HERC4: variants seen among roughly 807,000 people sequenced by gnomAD.
HERC4 encodes HECT and RLD domain containing E3 ubiquitin protein ligase 4.
Under a neutral mutation model 124.3 loss-of-function variants are expected in HERC4, and 28 were observed. The ratio of observed to expected loss-of-function variants is 0.23; its 90% CI spans 0.17 to 0.31. The LOEUF (loss-of-function observed/expected upper bound fraction) is 0.31. Ranked by LOEUF, HERC4 falls within the 10% of genes least tolerant of loss-of-function variation. The probability of loss-of-function intolerance (pLI) is 1.00; values close to 1 mark genes in which losing one functional copy is unlikely to be tolerated. For missense variants in HERC4, 713 were observed against 1,229.3 expected, an observed-to-expected ratio of 0.58 and a Z score of 6.28; for synonymous variants, 407 against 421.5, an observed-to-expected ratio of 0.97 and a Z score of 0.42.
intron 8 of HERC4, among the ~76,000 whole-genome samples, chr10:68,015,682 T>C (rs2133150922): frequency 6.6e-6 from 1 of 152,342 alleles, no homozygotes; most frequent in South Asian, 2.1e-4. Flanking sequence ...CTCAAAGGAA[T>C]GTATTAATAG....
Position 68,025,677 on chromosome 10 carries a change from C to A in HERC4, c.778-1G>T. On this transcript the variant is annotated splice_acceptor_variant, in intron 7 of 24. Transcript: ENST00000373700. LOFTEE classifies it high-confidence loss of function. ...CTCCAAAAGTAAACACTCCACCTTC[C>A]TAAAAAAAGACAAAACCCCTTATCA... 6.2e-7 allele frequency: 1 copy of A among 1,601,666 alleles called. No individual in the cohort carries two copies. Among genetic ancestry groups the A allele is most frequent in the Admixed American group, 1.7e-5 (1 of 57,812 alleles).
rs183932645 is a variant in HERC4 at position 68,010,646 on chromosome 10, G to A, written c.1069+3380C>T. 148 of 1,447,384 alleles carry A rather than the reference G, an allele frequency of 1.0e-4. No individual in the cohort carries two copies. In the African/African-American group the frequency reaches 1.6e-3, roughly 16 times the overall value. 89.7% of individuals were successfully genotyped at this position (1,447,384 alleles called of 1,614,324 possible). On this transcript the variant is annotated intron_variant, in intron 9 of 24. Transcript: ENST00000373700. ...TCTCCTGAATATTTTCATTGTTGTC[G>A]GCTTCCTCCACCCACTTCTGCAGCA...
At chr10:67,944,859 A>G (rs2033202356) in intron 19 of HERC4, among the ~76,000 whole-genome samples, 1 of 152,244 alleles carries the variant, frequency 6.6e-6, no homozygotes, top group African/African-American at 2.4e-5. Context: ...AAGAAAAAGA[A>G]GTGATTAGTG....
intron 23 of HERC4, among the ~76,000 whole-genome samples, chr10:67,930,745 C>A (rs1465295763): frequency 1.3e-5 from 2 of 152,160 alleles, no homozygotes; most frequent in African/African-American, 4.8e-5. Context: ...GCTGATCTAA[C>A]CTTGCACTTT....
At chr10:67,926,132 C>T (rs1274681604) in intron 23 of HERC4, among the ~76,000 whole-genome samples, 2 of 152,174 alleles carry the variant, frequency 1.3e-5, no homozygotes, top group Non-Finnish European at 2.9e-5. Context: ...CGGTGGCTCA[C>T]GCCTATAATC....
intron 23 of HERC4, 131 bp downstream of exon 23, chr10:67,932,466 T>C: frequency 1.4e-6 from 1 of 701,618 alleles, no homozygotes; most frequent in Non-Finnish European, 2.3e-6. Context: ...TTGTGGAGTT[T>C]GAAGGGTAGA....
chr10:68,062,178 ATAC>A (rs1362274422), intron 3 of HERC4, among the ~76,000 whole-genome samples: 2 of 152,270 alleles, frequency 1.3e-5, no homozygotes, highest in East Asian at 3.9e-4. Context: ...CCCACTTACA[ATAC>A]TACATTTCTT....
At chr10:68,062,422 C>G (rs191968113) in intron 3 of HERC4, among the ~76,000 whole-genome samples, 1 of 151,916 alleles carries the variant, frequency 6.6e-6, no homozygotes, top group African/African-American at 2.4e-5. Context: ...TTCTGCCTCT[C>G]TAAGTCTCCA....
chr10:67,986,992 C>T (rs1431273845), intron 15 of HERC4, among the ~76,000 whole-genome samples: 1 of 151,918 alleles, frequency 6.6e-6, no homozygotes, highest in Non-Finnish European at 1.5e-5. Context: ...GGCAAAATAC[C>T]GACTATATAG....
chr10:67,985,843 A>G (rs2036231349), intron 15 of HERC4, among the ~76,000 whole-genome samples: 1 of 152,240 alleles, frequency 6.6e-6, no homozygotes, highest in Non-Finnish European at 1.5e-5. Context: ...GGGAGGAACA[A>G]GTGCATCCAT....
At chr10:68,010,439 G>A in intron 9 of HERC4, 2 of 945,834 alleles carry the variant, frequency 2.1e-6, no homozygotes, top group Non-Finnish European at 3.4e-6. Context: ...TTGATTGCTT[G>A]CCCTTCTGGC....
intron 4 of HERC4, among the ~76,000 whole-genome samples, chr10:68,044,149 G>C (rs1442840337): frequency 6.6e-6 from 1 of 151,906 alleles, no homozygotes; most frequent in Non-Finnish European, 1.5e-5. Context: ...TTGTAATGAA[G>C]CAAGTATTCC....
At chr10:67,955,237 T>G in intron 17 of HERC4, 107 bp from the exon 18 acceptor site, 1 of 925,938 alleles carries the variant, frequency 1.1e-6, no homozygotes, top group South Asian at 1.6e-5. Context: ...ATAATTCCTA[T>G]GCTACTGAAT....
chr10:67,986,619 C>T (rs1385200904), intron 15 of HERC4, among the ~76,000 whole-genome samples: 1 of 152,126 alleles, frequency 6.6e-6, no homozygotes, highest in African/African-American at 2.4e-5. Flanking sequence ...ACCACCCAAA[C>T]TGCTGGGATT....
At chr10:68,063,749 T>C (rs933992491) in intron 3 of HERC4, among the ~76,000 whole-genome samples, 2 of 151,246 alleles carry the variant, frequency 1.3e-5, no homozygotes, top group Admixed American at 6.6e-5. Context: ...ACCAGCCTGG[T>C]CAACATGGCA....
At chr10:68,030,169 G>A (rs966068654) in intron 7 of HERC4, among the ~76,000 whole-genome samples, 1 of 152,032 alleles carries the variant, frequency 6.6e-6, no homozygotes, top group African/African-American at 2.4e-5. Flanking sequence ...GCCGGGTGCA[G>A]GATTACACAC....
At chr10:67,954,565 A>C (rs745681617) in intron 19 of HERC4, 30 bp downstream of exon 19, 2 of 1,599,366 alleles carry the variant, frequency 1.3e-6, no homozygotes, top group Non-Finnish European at 1.7e-6. Flanking sequence ...GTATATACAC[A>C]GAAGTAATTT....
intron 15 of HERC4, among the ~76,000 whole-genome samples, chr10:67,971,442 G>A (rs2035227805): frequency 1.3e-5 from 2 of 151,898 alleles, no homozygotes; most frequent in South Asian, 4.1e-4. Flanking sequence ...CAAATATAAT[G>A]CCAAGTAAAG....
At position 68,053,229 on chromosome 10, in the gene HERC4, G is replaced by GT. The variant is rs2040401048; in HGVS notation, c.227-8667dup. Among the ~76,000 whole-genome samples the GT allele has an allele frequency of 2.6e-5, 4 of 151,848 alleles. No individual in the cohort carries two copies. The South Asian group carries it at 8.3e-4, about 32-fold the overall frequency. On this transcript the variant is annotated intron_variant, in intron 3 of 24. Transcript: ENST00000373700. The stretch of plus-strand genomic sequence containing the variant: ...GCAAGCCTCTGGTCAGAACATTTTT[G>GT]TCAACTGATAAATACATAATCTCGT...
Sources: gnomAD v4.1 joint callset for allele counts (sites outside exome capture counted in the v4.1 genomes callset) on GRCh38, gnomAD v4.1.1 for gene constraint, MANE v1.5 for transcripts, NCBI Gene and HGNC (gene_info 2026-07-23, HGNC 2026-07-21) for gene names.